CACNG2: variants seen among roughly 807,000 people sequenced by gnomAD.
CACNG2 encodes the protein voltage-dependent calcium channel gamma-2 subunit.
In CACNG2, 3 loss-of-function variants were observed where a neutral mutation model predicts 25.9. The ratio of observed to expected loss-of-function variants is 0.12; its 90% CI spans 0.05 to 0.30. CACNG2 has a LOEUF of 0.30. CACNG2 is among the 10% of genes least tolerant of loss of function. The pLI is 1.00. For synonymous variants in CACNG2, 167 were observed against 173.3 expected (o/e 0.96, Z 0.29); for missense variants, 341 against 432.5 (o/e 0.79, Z 1.88).
intron 1 of CACNG2, among the ~76,000 whole-genome samples, chr22:36,634,147 G>A (rs1053084170): frequency 2.6e-5 from 4 of 152,144 alleles, no homozygotes; most frequent in African/African-American, 9.7e-5. Flanking sequence ...ATCTTCATGT[G>A]GCAGAGACTA....
At chr22:36,679,970 T>G (rs1448771004) in intron 1 of CACNG2, among the ~76,000 whole-genome samples, 1 of 151,730 alleles carries the variant, frequency 6.6e-6, no homozygotes, top group African/African-American at 2.4e-5. Context: ...TGCATCACAA[T>G]CATTATCATC....
intron 1 of CACNG2, among the ~76,000 whole-genome samples, chr22:36,665,002 G>A (rs965802296): frequency 6.6e-6 from 1 of 152,132 alleles, no homozygotes; most frequent in African/African-American, 2.4e-5. Context: ...GGCGAGAGTG[G>A]GAGGGCCTGC....
chr22:36,578,088 G>T (rs186545796), intron 2 of CACNG2, among the ~76,000 whole-genome samples: 64 of 152,170 alleles, frequency 4.2e-4, no homozygotes, highest in African/African-American at 1.5e-3. Flanking sequence ...TGGGCTGGGT[G>T]CGGTAGCTCA....
At chr22:36,640,108 C>T (rs1196972987) in intron 1 of CACNG2, among the ~76,000 whole-genome samples, 2 of 152,192 alleles carry the variant, frequency 1.3e-5, no homozygotes, top group South Asian at 4.1e-4. Flanking sequence ...GGGACCCAGA[C>T]TTCCAGGGTT....
chr22:36,646,915 T>C (rs1172117690), intron 1 of CACNG2, among the ~76,000 whole-genome samples: 1 of 152,134 alleles, frequency 6.6e-6, no homozygotes, highest in Non-Finnish European at 1.5e-5. Context: ...CTTTGTATTT[T>C]CTTATAGCCT....
At chr22:36,674,145 G>A (rs1000286719) in intron 1 of CACNG2, among the ~76,000 whole-genome samples, 11 of 152,200 alleles carry the variant, frequency 7.2e-5, no homozygotes, top group Non-Finnish European at 1.5e-4. Flanking sequence ...GATGATGCTG[G>A]TCCCAGCTGA....
chr22:36,660,372 C>T (rs1936774238), intron 1 of CACNG2, among the ~76,000 whole-genome samples: 1 of 152,276 alleles, frequency 6.6e-6, no homozygotes, highest in Non-Finnish European at 1.5e-5. Context: ...GGCTTCAGCC[C>T]TCCAGTGCCA....
At chr22:36,645,768 T>C (rs1936514078) in intron 1 of CACNG2, among the ~76,000 whole-genome samples, 1 of 152,210 alleles carries the variant, frequency 6.6e-6, no homozygotes, top group African/African-American at 2.4e-5. Context: ...GAAATGCACA[T>C]AAAGGGTTTC....
chr22:36,583,757 TCCAA>T (rs1935458205), intron 2 of CACNG2, among the ~76,000 whole-genome samples: 1 of 152,118 alleles, frequency 6.6e-6, no homozygotes, highest in South Asian at 2.1e-4. Flanking sequence ...TGCCTCTGTT[TCCAA>T]CCGTCACTAC....
chr22:36,584,740 T>C (rs1935472365), intron 2 of CACNG2: 1 of 152,210 alleles, frequency 6.6e-6, no homozygotes. Flanking sequence ...CACCACACGA[T>C]TCCTTCTATT....
chr22:36,594,664 G>A (rs982573111), intron 1 of CACNG2, among the ~76,000 whole-genome samples: 1 of 152,070 alleles, frequency 6.6e-6, no homozygotes, highest in African/African-American at 2.4e-5. Context: ...GAAGCAGGGA[G>A]GGGTCCGTGT....
intron 2 of CACNG2, among the ~76,000 whole-genome samples, chr22:36,571,463 A>G (rs186539451): frequency 1.1e-4 from 17 of 151,746 alleles, no homozygotes; most frequent in Admixed American, 1.1e-3. Context: ...TCTCAGAAAA[A>G]AAGAAAAAAG....
Position 36,564,053 on chromosome 22 carries a change from T to TA in CACNG2, c.*297dup, listed in dbSNP as rs1272125560. The TA allele has an allele frequency of 7.2e-6, 2 of 279,334 alleles. No homozygotes were observed. Among genetic ancestry groups the TA allele is most frequent in the Non-Finnish European group, 1.3e-5 (2 of 151,200 alleles). The allele number at this position is 279,334 out of a possible 1,614,324, so 17.3% of individuals were successfully genotyped here. A position where few individuals can be genotyped will look rare whatever the true frequency, so the allele number is the denominator to read the frequency against. On this transcript the variant is annotated 3_prime_UTR_variant, in exon 4 of 4. Transcript: ENST00000300105. The surrounding 1 kb of genome is among the most constrained non-coding windows in gnomAD (Gnocchi z 6.7). ...GATTTATTTTCTATTTTTAATTTTTTATCCCTCTCGCTTTTTTTTAAAGTT... is the reference window on the plus strand; with the variant it reads ...GATTTATTTTCTATTTTTAATTTTTTAATCCCTCTCGCTTTTTTTTAAAGTT...
At chr22:36,645,645 A>G (rs1936511929) in intron 1 of CACNG2, among the ~76,000 whole-genome samples, 1 of 151,876 alleles carries the variant, frequency 6.6e-6, no homozygotes, top group Admixed American at 6.6e-5. Flanking sequence ...GGAGAGGGAG[A>G]ATATATTTTC....
intron 1 of CACNG2, among the ~76,000 whole-genome samples, chr22:36,657,500 T>C (rs572847968): frequency 6.6e-6 from 1 of 152,270 alleles, no homozygotes; most frequent in African/African-American, 2.4e-5. Context: ...TGCACGTTGC[T>C]CCAGGAGCCC....
chr22:36,610,310 T>C lies in CACNG2; in HGVS notation c.212-22762A>G, dbSNP rs145811939. Among the ~76,000 whole-genome samples, 28 of 148,924 alleles carry C rather than the reference T, an allele frequency of 1.9e-4. No individual in the cohort carries two copies. In the East Asian group the frequency reaches 4.5e-3, roughly 24 times the overall value. ...CAGGAATCAGCCGCTTAGAGCGTGATTGGGCAGGAATCAGCTCCCCAGAGC... is the reference window on the plus strand; with the variant it reads ...CAGGAATCAGCCGCTTAGAGCGTGACTGGGCAGGAATCAGCTCCCCAGAGC... On this transcript the variant is annotated intron_variant, in intron 1 of 3. Transcript: ENST00000300105.
chr22:36,680,712 TC>T (rs1937108451), intron 1 of CACNG2, among the ~76,000 whole-genome samples: 1 of 118,216 alleles, frequency 8.5e-6, no homozygotes, highest in Admixed American at 8.3e-5. Context: ...ACTACCACCA[TC>T]ACCATCACCA....
intron 1 of CACNG2, among the ~76,000 whole-genome samples, chr22:36,618,386 G>T (rs1205338768): frequency 6.1e-5 from 1 of 16,310 alleles, no homozygotes; most frequent in Non-Finnish European, 1.1e-4. Context: ...TTACATGAGC[G>T]ACTGGCTTTC....
At chr22:36,576,144 A>G (rs1203302411) in intron 2 of CACNG2, among the ~76,000 whole-genome samples, 1 of 152,260 alleles carries the variant, frequency 6.6e-6, no homozygotes, top group Non-Finnish European at 1.5e-5. Flanking sequence ...ATACCTATCC[A>G]TCAATGAGTG....
Sources: allele counts gnomAD v4.1 joint callset (sites outside exome capture counted in the v4.1 genomes callset), GRCh38; gene constraint gnomAD v4.1.1; non-coding constraint Gnocchi (gnomAD v3.1); transcripts MANE v1.5; gene names NCBI Gene and HGNC (gene_info 2026-07-23, HGNC 2026-07-21).